RAD51AP2: variants seen among roughly 807,000 people sequenced by gnomAD.
RAD51AP2 encodes RAD51 associated protein 2, also known as RAD51-associated protein 2.
Under a neutral mutation model 85.5 loss-of-function variants are expected in RAD51AP2, and 67 were observed. The ratio of observed to expected loss-of-function variants is 0.78; its 90% CI spans 0.64 to 0.96. The LOEUF (loss-of-function observed/expected upper bound fraction) is 0.96. Ranked by LOEUF, RAD51AP2 falls within the 40% of genes least tolerant of loss-of-function variation. The pLI is 0.00. For missense variants in RAD51AP2, 1,307 were observed against 1,332.4 expected (o/e 0.98, Z 0.30); for synonymous variants, 474 against 446.5 (o/e 1.06, Z -0.78).
Position 17,516,072 on chromosome 2 carries a change from T to A in RAD51AP2, c.2344A>T (p.Ile782Leu), listed in dbSNP as rs760629215. The A allele has an allele frequency of 4.5e-5, 72 of 1,613,386 alleles. No homozygotes were observed. In the Admixed American group the frequency reaches 1.2e-3, roughly 27 times the overall value. ...CTAACATTGCAGAGATCTTCAAATA[T>A]GTGCTCACAGTCAAAGTTACTGATC... Reference protein sequence around the residue: ...NKISNFDCEHIFEDLCNVRQQ... With the variant: ...NKISNFDCEHLFEDLCNVRQQ... The change falls in exon 1 of 3, where the codon ATA becomes TTA. Residue 782 changes from isoleucine to leucine, a missense_variant. Physicochemically the swap from Ile to Leu is conservative, Grantham distance 5. Transcript: ENST00000399080.
chr2:17,525,141 C>A, the RAD51AP2 span, among the ~76,000 whole-genome samples: 2 of 151,694 alleles, frequency 1.3e-5, no homozygotes, highest in African/African-American at 4.8e-5. Flanking sequence ...GCAACAAGGG[C>A]CTGGAAGACA....
intron 2 of RAD51AP2, among the ~76,000 whole-genome samples, chr2:17,512,233 C>T (rs1216931687): frequency 6.6e-6 from 1 of 152,174 alleles, no homozygotes; most frequent in African/African-American, 2.4e-5. Context: ...TTCAGGATAA[C>T]TGGGATCTTT....
At chr2:17,532,470 T>C in the RAD51AP2 span, among the ~76,000 whole-genome samples, 7 of 152,174 alleles carry the variant, frequency 4.6e-5, no homozygotes, top group South Asian at 1.5e-3. Flanking sequence ...AGGAATTTTG[T>C]ATGAGTTTGA....
chr2:17,513,897 C>T, intron 2 of RAD51AP2, 115 bp downstream of exon 2: 1 of 649,870 alleles, frequency 1.5e-6, no homozygotes, highest in Non-Finnish European at 2.7e-6. Context: ...TTAAAAGGTG[C>T]TAAAACTTTG....
At chr2:17,519,168 G>A (rs990930645), upstream of RAD51AP2, among the ~76,000 whole-genome samples, 2 of 151,806 alleles carry the variant, frequency 1.3e-5, no homozygotes. Flanking sequence ...ATTATTTAGA[G>A]ATAAAATATT....
chr2:17,513,571 A>G (rs932785842), intron 2 of RAD51AP2, among the ~76,000 whole-genome samples: 8 of 152,164 alleles, frequency 5.3e-5, no homozygotes, highest in Non-Finnish European at 1.0e-4. Context: ...AAGTATAAAC[A>G]TCAGTCAAAA....
the RAD51AP2 span, among the ~76,000 whole-genome samples, chr2:17,534,655 AATAAC>A: frequency 6.6e-6 from 1 of 152,180 alleles, no homozygotes; most frequent in Non-Finnish European, 1.5e-5. Context: ...TTGTGAATCA[AATAAC>A]ATAAGAATAG....
chr2:17,510,768 T>A lies in RAD51AP2; in HGVS notation c.*36A>T, dbSNP rs749326023. On this transcript the variant is annotated 3_prime_UTR_variant, in exon 3 of 3. Coordinates refer to ENST00000399080, the MANE Select transcript of RAD51AP2 (RefSeq NM_001099218.3). The stretch of plus-strand genomic sequence containing the variant: ...ACATATATCCAAAGAAAACAAAACA[T>A]TTCTAGATGTTGTAAAATGTTTTGA... 1.4e-6 allele frequency: 2 copies of A among 1,413,206 alleles called. No individual in the cohort carries two copies. The highest frequency in any genetic ancestry group is 1.9e-6 in the Non-Finnish European group (2 of 1,038,906). The allele number at this position is 1,413,206 out of a possible 1,614,324, so 87.5% of individuals were successfully genotyped here. A position where few individuals can be genotyped will look rare whatever the true frequency, so the allele number is the denominator to read the frequency against.
At chr2:17,534,565 T>A in the RAD51AP2 span, among the ~76,000 whole-genome samples, 2 of 152,076 alleles carry the variant, frequency 1.3e-5, no homozygotes, top group African/African-American at 2.4e-5. Flanking sequence ...CTTTTTTTTT[T>A]AATCAAGTTC....
In RAD51AP2 at chr2:17,515,696, G is replaced by A. The variant is rs759972851; in HGVS notation, c.2720C>T (p.Pro907Leu). 3 of 1,607,684 alleles carry A rather than the reference G, an allele frequency of 1.9e-6. No individual in the cohort carries two copies. The South Asian group carries it at 3.4e-5, about 18-fold the overall frequency. Residue 907 changes from proline (P) to leucine (L), a missense_variant, in exon 1 of 3, where the codon CCA becomes CTA. Pro to Leu is a moderately conservative substitution (Grantham distance 98). Coordinates refer to ENST00000399080, the MANE Select transcript of RAD51AP2 (RefSeq NM_001099218.3). The stretch of plus-strand genomic sequence containing the variant: ...CTTTGAATTAGCTATCTCCCTTTCT[G>A]GCAAAATACTCTCATATTCATTTGT... ...TNTNEYESIL[P>L]EREIANSKDF... is the part of the protein sequence containing the mutation.
the RAD51AP2 span, among the ~76,000 whole-genome samples, chr2:17,532,717 G>A: frequency 2.0e-5 from 3 of 152,106 alleles, no homozygotes; most frequent in African/African-American, 7.2e-5. Context: ...TAGATAGATG[G>A]ATAGATAGAT....
rs747165702 is a variant in RAD51AP2, at chr2:17,516,670, A to T, written c.1746T>A (p.Thr582=). ...AGTTATTGAGCAAAAAAGCTATGTT[A>T]GTTTTCAATAGAATATCTAAAGGTT... is the stretch of plus-strand genomic sequence containing the variant. ...VSEPLDILLK[T]NIAFLLNNFD... is the part of the protein sequence containing the mutation. Residue 582 remains threonine (T), a synonymous_variant, in exon 1 of 3, where the codon ACT becomes ACA. Transcript: ENST00000399080. The T allele has an allele frequency of 6.4e-7, 1 of 1,568,394 alleles. No individual in the cohort carries two copies. Among genetic ancestry groups the T allele is most frequent in the South Asian group, 1.2e-5 (1 of 83,698 alleles).
chr2:17,520,071 T>C (rs1198022874), upstream of RAD51AP2, among the ~76,000 whole-genome samples: 1 of 152,152 alleles, frequency 6.6e-6, no homozygotes, highest in African/African-American at 2.4e-5. Flanking sequence ...ATTTAACAAC[T>C]CTACATTGTT....
In RAD51AP2 at chr2:17,516,760, G is replaced by A. The variant is rs751072968; in HGVS notation, c.1656C>T (p.Thr552=). The A allele has an allele frequency of 6.4e-7, 1 of 1,565,556 alleles. No individual in the cohort carries two copies. Among genetic ancestry groups the A allele is most frequent in the Non-Finnish European group, 8.7e-7 (1 of 1,151,402 alleles). ...TCTTTATATTTGTATTCATGTTTCT[G>A]GTTATTAGATTTTGAATACCAATTA... ...IGIIGIQNLI[T]RNMNTNIKNG... is the part of the protein sequence containing the mutation. The change falls in exon 1 of 3, where the codon ACC becomes ACT. Residue 552 remains threonine (T), a synonymous_variant. Coordinates refer to ENST00000399080, the MANE Select transcript of RAD51AP2 (RefSeq NM_001099218.3).
At chr2:17,533,241 T>C in the RAD51AP2 span, among the ~76,000 whole-genome samples, 1 of 152,228 alleles carries the variant, frequency 6.6e-6, no homozygotes, top group African/African-American at 2.4e-5. Context: ...TGATGTCTGC[T>C]GGACCTCTCC....
At position 17,518,045 on chromosome 2, in the gene RAD51AP2, T is replaced by A; in HGVS notation, c.371A>T (p.Asp124Val). The A allele has an allele frequency of 6.2e-7, 1 of 1,614,162 alleles. No homozygotes were observed. The highest frequency in any genetic ancestry group is 1.1e-5 in the South Asian group (1 of 91,080). ...CCTTCCTGAAGCCCTCAAATCAGAA[T>A]CAGGACTTTGTGAGGGGGGAGACTG... ...CLQSPPSQSP[D>V]SDLRASGRSE... The change falls in exon 1 of 3, where the codon GAT (aspartate) becomes GTT (valine). Residue 124 changes from aspartate to valine, a missense_variant. Asp to Val is a radical substitution (Grantham distance 152). Coordinates refer to ENST00000399080, the MANE Select transcript of RAD51AP2 (RefSeq NM_001099218.3).
chr2:17,518,018 G>C lies in RAD51AP2; in HGVS notation c.398C>G (p.Ser133Cys). ...CTCTCTGTCATGCAGGCCTGCCTCAGACCTTCCTGAAGCCCTCAAATCAGA... is the reference window on the plus strand; with the variant it reads ...CTCTCTGTCATGCAGGCCTGCCTCACACCTTCCTGAAGCCCTCAAATCAGA... The part of the protein sequence containing the change: ...PDSDLRASGR[S>C]EAGLHDREAF... Residue 133 changes from serine to cysteine, a missense_variant, in exon 1 of 3, where the codon TCT becomes TGT. Physicochemically the swap from Ser to Cys is moderately radical, Grantham distance 112. Around this residue, in one of 3 missense-constraint regions of RAD51AP2, gnomAD observed 635 missense variants for 643.6 expected, o/e 0.99. Transcript: ENST00000399080. 1 of 1,614,180 alleles carries C rather than the reference G, an allele frequency of 6.2e-7. No individual in the cohort carries two copies. Among genetic ancestry groups the C allele is most frequent in the Non-Finnish European group, 8.5e-7 (1 of 1,180,034 alleles).
intron 2 of RAD51AP2, among the ~76,000 whole-genome samples, chr2:17,511,223 C>T (rs1194205495): frequency 6.6e-6 from 1 of 152,180 alleles, no homozygotes; most frequent in Non-Finnish European, 1.5e-5. Context: ...GGCAGTCTAA[C>T]TTAACAACCA....
rs1168116759 is a variant in RAD51AP2, at chr2:17,517,307, AG to A, written c.1108del (p.Leu370Ter). The stretch of plus-strand genomic sequence containing the variant: ...TGCTTCCTCCCAATTTGCATTTTCT[AG>A]TATAGCGAAATTCTTTCTAGAGTCT... Reference protein sequence around the residue: ...VRDSRKNFAILENANWEEAEC... With the variant: ...VRDSRKNFAIXENANWEEAEC... On this transcript the variant is annotated frameshift_variant, in exon 1 of 3. Coordinates refer to ENST00000399080, the MANE Select transcript of RAD51AP2 (RefSeq NM_001099218.3). LOFTEE classifies it high-confidence loss of function. 6.2e-7 allele frequency: 1 copy of A among 1,614,018 alleles called. No individual in the cohort carries two copies. Among genetic ancestry groups the A allele is most frequent in the Non-Finnish European group, 8.5e-7 (1 of 1,179,956 alleles).
Sources: gnomAD v4.1 joint callset for allele counts (sites outside exome capture counted in the v4.1 genomes callset) on GRCh38, gnomAD v4.1.1 for gene constraint, gnomAD v4.1.1 regional missense constraint, MANE v1.5 for transcripts, NCBI Gene and HGNC (gene_info 2026-07-23, HGNC 2026-07-21) for gene names.